Variants in HECTD4 observed in about 807,000 individuals in gnomAD.
The protein encoded by HECTD4 is probable E3 ubiquitin-protein ligase HECTD4.
A neutral mutation model predicts 471.5 loss-of-function variants in HECTD4; 114 were observed. The observed-to-expected ratio is 0.24, with a 90% CI of 0.21 to 0.28. The LOEUF is 0.28. HECTD4 is among the 10% of genes least tolerant of loss of function. The pLI is 1.00. For missense variants in HECTD4, 3,866 were observed against 5,651.5 expected (o/e 0.68, Z 10.13); for synonymous variants, 2,012 against 2,256.0 (o/e 0.89, Z 3.07).
At chr12:112,209,440 C>T (rs1215875494) in intron 50 of HECTD4, among the ~76,000 whole-genome samples, 2 of 152,012 alleles carry the variant, frequency 1.3e-5, no homozygotes. Flanking sequence ...ATTCTTCTGC[C>T]TCAGCCTCCT....
At chr12:112,164,018 G>A (rs549747227) in intron 73 of HECTD4, 91 bp downstream of exon 73, 21 of 1,280,258 alleles carry the variant, frequency 1.6e-5, no homozygotes, top group Admixed American at 3.3e-5. Flanking sequence ...CTAGGTCCTC[G>A]TGTCATTGCC....
Position 112,209,891 on chromosome 12 carries a change from T to C in HECTD4, c.7867+124A>G, listed in dbSNP as rs1593932765. On this transcript the variant is annotated intron_variant, in intron 50 of 75. Coordinates refer to ENST00000682272, the MANE Select transcript of HECTD4 (RefSeq NM_001388303.1). ...ACCAGGCCTGTGACCCCATTACCAA[T>C]GGGCACGTGAGTTTGCAACTCCTGA... 4 of 759,426 alleles carry C rather than the reference T, an allele frequency of 5.3e-6. No homozygotes were observed. The East Asian group carries it at 1.1e-4, about 21-fold the overall frequency. 47.0% of individuals were successfully genotyped at this position (759,426 alleles called of 1,614,324 possible).
intron 2 of HECTD4, among the ~76,000 whole-genome samples, chr12:112,318,673 C>T (rs1005347938): frequency 6.6e-6 from 1 of 152,206 alleles, no homozygotes; most frequent in Non-Finnish European, 1.5e-5. Flanking sequence ...CACGTCCAGC[C>T]ATGTGTACTA....
chr12:112,192,646 G>A lies in HECTD4; in HGVS notation c.9206C>T (p.Pro3069Leu). The A allele has an allele frequency of 6.2e-7, 1 of 1,608,740 alleles. No individual in the cohort carries two copies. Among genetic ancestry groups the A allele is most frequent in the Non-Finnish European group, 8.5e-7 (1 of 1,177,970 alleles). ...GGGAGGTGCAAGCCCAGTGTTGGCT[G>A]GGGACGCGTCCCGCGGGTAACAGGC... ...EAACYPRDASPANTGLAPPPT... is the reference protein window; with the variant it reads ...EAACYPRDASLANTGLAPPPT... Residue 3069 changes from proline (P) to leucine (L), a missense_variant, in exon 59 of 76, where the codon CCA (proline) becomes CTA (leucine). Coordinates refer to ENST00000682272, the MANE Select transcript of HECTD4 (RefSeq NM_001388303.1).
At chr12:112,177,563 G>A (rs1474979227) in intron 64 of HECTD4, among the ~76,000 whole-genome samples, 8 of 151,988 alleles carry the variant, frequency 5.3e-5, no homozygotes, top group Admixed American at 5.2e-4. Flanking sequence ...TGTATTTTTG[G>A]TAGAGACGAG....
At chr12:112,291,733 G>A (rs1250099520) in intron 7 of HECTD4, among the ~76,000 whole-genome samples, 4 of 152,116 alleles carry the variant, frequency 2.6e-5, no homozygotes, top group East Asian at 1.9e-4. Context: ...TCAGCCAGGC[G>A]TGGTGGTGGG....
At chr12:112,292,083 G>A (rs1477103758) in intron 7 of HECTD4, among the ~76,000 whole-genome samples, 1 of 152,004 alleles carries the variant, frequency 6.6e-6, no homozygotes, top group East Asian at 1.9e-4. Flanking sequence ...ATCTCACTTA[G>A]AATAAAATCC....
chr12:112,318,146 T>A (rs2035520037), intron 2 of HECTD4, among the ~76,000 whole-genome samples: 1 of 151,626 alleles, frequency 6.6e-6, no homozygotes, highest in Admixed American at 6.6e-5. Context: ...GCACCTGTAA[T>A]CCCAGCTACT....
At chr12:112,183,344 C>T in intron 61 of HECTD4, 78 bp from the exon 62 acceptor site, 2 of 1,123,544 alleles carry the variant, frequency 1.8e-6, no homozygotes, top group South Asian at 1.3e-5. Context: ...TCCCTCCCAC[C>T]TTTTCCTGGA....
Position 112,183,065 on chromosome 12 carries a change from T to C in HECTD4, c.10981A>G (p.Ile3661Val), listed in dbSNP as rs370725399. 1.9e-5 allele frequency: 30 copies of C among 1,611,624 alleles called. No individual in the cohort carries two copies. The African/African-American group carries it at 2.9e-4, about 16-fold the overall frequency. The change falls in exon 62 of 76, where the codon ATT (isoleucine) becomes GTT (valine). Residue 3661 changes from isoleucine (I) to valine (V), a missense_variant. Physicochemically the swap from Ile to Val is conservative, Grantham distance 29. This residue lies in a region of HECTD4 where 715 missense variants were observed against 1,087.6 expected (regional missense o/e 0.66). Transcript: ENST00000682272. ...AAACAAATCCAGAACCCACCTTTAA[T>C]TGACTTATCATTGAAATAATCTTCT... ...GLEDYFNDKS[I>V]KGEKLVPGAR...
chr12:112,288,124 T>C (rs1218430029), intron 7 of HECTD4, among the ~76,000 whole-genome samples: 1 of 149,594 alleles, frequency 6.7e-6, no homozygotes, highest in Non-Finnish European at 1.5e-5. Flanking sequence ...AGGCCAGGAG[T>C]TCGAGACCAG....
chr12:112,372,628 C>T (rs1405646010), intron 1 of HECTD4, among the ~76,000 whole-genome samples: 1 of 152,066 alleles, frequency 6.6e-6, no homozygotes, highest in African/African-American at 2.4e-5. Flanking sequence ...TGGGATCTTG[C>T]TATGTTGCCC....
At position 112,382,189 on chromosome 12, in the gene HECTD4, A is replaced by C. The variant is rs2036908384; in HGVS notation, c.-61T>G. The C allele has an allele frequency of 3.4e-6, 4 of 1,190,176 alleles. No homozygotes were observed. Among genetic ancestry groups the C allele is most frequent in the Middle Eastern group, 3.3e-4 (1 of 3,054 alleles). 73.7% of individuals were successfully genotyped at this position (1,190,176 alleles called of 1,614,324 possible). A position where few individuals can be genotyped will look rare whatever the true frequency, so the allele number is the denominator to read the frequency against. On this transcript the variant is annotated 5_prime_UTR_variant, in exon 1 of 76. Transcript: ENST00000682272. ...GCCCGGCCGGGGGAAACGGAGCAGG[A>C]GCCGCCGCGATCACCAGTCCATGGC...
Position 112,185,302 on chromosome 12 carries a change from G to T in HECTD4, c.9664C>A (p.Leu3222Met). The change falls in exon 61 of 76, where the codon CTG (leucine) becomes ATG (methionine). Residue 3222 changes from leucine to methionine, a missense_variant. This residue lies in a region of HECTD4 where 364 missense variants were observed against 413.2 expected (regional missense o/e 0.88). Coordinates refer to ENST00000682272, the MANE Select transcript of HECTD4 (RefSeq NM_001388303.1). The stretch of plus-strand genomic sequence containing the variant: ...CAGTTCTGCGTCTCCTCGTCGTACA[G>T]CTTGTGGAGCTCCGACTGCAAGGCC... ...LMALQSELHK[L>M]YDEETQNWVS... 6.4e-7 allele frequency: 1 copy of T among 1,565,038 alleles called. No individual in the cohort carries two copies. The highest frequency in any genetic ancestry group is 8.7e-7 in the Non-Finnish European group (1 of 1,154,806).
chr12:112,315,621 A>AACAGTG (rs2035462719), intron 2 of HECTD4, among the ~76,000 whole-genome samples: 1 of 152,186 alleles, frequency 6.6e-6, no homozygotes, highest in African/African-American at 2.4e-5. Flanking sequence ...TTTCCTGGGG[A>AACAGTG]ACAGTGAGGT....
intron 37 of HECTD4, among the ~76,000 whole-genome samples, 154 bp from the exon 38 acceptor site, chr12:112,233,239 T>TG (rs2033425875): frequency 6.8e-6 from 1 of 147,634 alleles, no homozygotes; most frequent in African/African-American, 2.5e-5. Flanking sequence ...TTTTTTTTTT[T>TG]GAGACAGGGT....
chr12:112,284,396 G>C (rs2034706046), intron 7 of HECTD4, among the ~76,000 whole-genome samples: 1 of 152,176 alleles, frequency 6.6e-6, no homozygotes, highest in South Asian at 2.1e-4. Flanking sequence ...GAGGGAATGG[G>C]AGTGCAAAGT....
Position 112,302,253 on chromosome 12 carries a change from C to T in HECTD4, c.1335+3811G>A. The T allele has an allele frequency of 9.0e-6, 11 of 1,225,256 alleles. 1 individual carries two copies. The South Asian group carries it at 1.4e-4, about 15-fold the overall frequency. 75.9% of individuals were successfully genotyped at this position (1,225,256 alleles called of 1,614,324 possible). On this transcript the variant is annotated intron_variant, in intron 7 of 75. Coordinates refer to ENST00000682272, the MANE Select transcript of HECTD4 (RefSeq NM_001388303.1). ...TCCACCAAGGTGGTGATGGTGTTAACTCCTGCTCGAAGGGCAGGTGGTCTC... is the reference window on the plus strand; with the variant it reads ...TCCACCAAGGTGGTGATGGTGTTAATTCCTGCTCGAAGGGCAGGTGGTCTC...
chr12:112,172,816 C>T lies in HECTD4; in HGVS notation c.11640G>A (p.Lys3880=), dbSNP rs765629120. The T allele has an allele frequency of 5.6e-6, 9 of 1,613,876 alleles. No individual in the cohort carries two copies. The highest frequency in any genetic ancestry group is 7.6e-6 in the Non-Finnish European group (9 of 1,179,910). ...GTGCCACGTCCATCTCCAGGGTCCACTTTCTTGAGGCCTTCTGTGCATGTC... is the reference window on the plus strand; with the variant it reads ...GTGCCACGTCCATCTCCAGGGTCCATTTTCTTGAGGCCTTCTGTGCATGTC... ...DVRHAQKASR[K]WTLEMDVALV... The change falls in exon 67 of 76, where the codon AAG becomes AAA. Residue 3880 remains lysine, a synonymous_variant. Transcript: ENST00000682272.
Sources: gnomAD v4.1 joint callset for allele counts (sites outside exome capture counted in the v4.1 genomes callset) on GRCh38, gnomAD v4.1.1 for gene constraint, gnomAD v4.1.1 regional missense constraint, MANE v1.5 for transcripts, NCBI Gene and HGNC (gene_info 2026-07-23, HGNC 2026-07-21) for gene names.